Variants in FRMPD4 observed in about 807,000 individuals in gnomAD.
FRMPD4 encodes FERM and PDZ domain containing 4.
A neutral mutation model predicts 94.1 loss-of-function variants in FRMPD4; 22 were observed. That is an observed-to-expected ratio of 0.23 (90% CI 0.17 to 0.33). The LOEUF (loss-of-function observed/expected upper bound fraction) is 0.33, where lower values mean the gene tolerates loss of function less well. Among genes scored for constraint, FRMPD4 ranks in the 10% least tolerant of loss-of-function variants. FRMPD4 has a pLI of 1.00. For synonymous variants in FRMPD4, 631 were observed against 548.6 expected (o/e 1.15, Z -2.10); for missense variants, 1,111 against 1,339.9 (o/e 0.83, Z 2.67).
chrX:12,305,568 T>A (rs1431550523), intron 1 of FRMPD4, among the ~76,000 whole-genome samples: 6 of 107,855 alleles, frequency 5.6e-5, no homozygotes, highest in Admixed American at 5.0e-4. Flanking sequence ...ATCCTTTTTT[T>A]TTTTTTTCAG....
intron 3 of FRMPD4, among the ~76,000 whole-genome samples, chrX:12,032,975 T>G (rs6639131): frequency 0.065 from 7,245 of 111,244 alleles, 264 homozygotes; most frequent in East Asian, 0.24. Flanking sequence ...GTTGCTGAAA[T>G]TGGGAAAGAG....
intron 3 of FRMPD4, among the ~76,000 whole-genome samples, chrX:11,965,411 G>T (rs1230725849): frequency 1.8e-5 from 2 of 112,166 alleles, no homozygotes; most frequent in African/African-American, 3.2e-5. Flanking sequence ...GACTTAGTTT[G>T]CATTCCAGAA....
intron 3 of FRMPD4, among the ~76,000 whole-genome samples, chrX:12,050,210 G>T (rs1369445001): frequency 9.0e-6 from 1 of 111,575 alleles, no homozygotes; most frequent in African/African-American, 3.2e-5. Context: ...GACTGACCCA[G>T]AACAACTTCC....
chrX:12,162,472 T>C (rs1052536180), intron 1 of FRMPD4, among the ~76,000 whole-genome samples: 7 of 112,467 alleles, frequency 6.2e-5, no homozygotes, highest in African/African-American at 2.3e-4. Context: ...GGAGACCAGA[T>C]TGCCCACTCA....
Position 12,722,975 on chromosome X carries a change from C to A in FRMPD4, c.*1117C>A, listed in dbSNP as rs982907623. ...CTGCCAGTCAAATTTGGAATTATAG[C>A]GTAGTACTGGGACAAAATCTCAAAT... On this transcript the variant is annotated 3_prime_UTR_variant, in exon 17 of 17. Coordinates refer to ENST00000675598, the MANE Select transcript of FRMPD4 (RefSeq NM_001368397.1). 1 of 111,234 alleles carries A rather than the reference C, an allele frequency of 9.0e-6. No individual in the cohort carries two copies. Among genetic ancestry groups the A allele is most frequent in the African/African-American group, 3.3e-5 (1 of 30,518 alleles). 9.2% of individuals were successfully genotyped at this position (111,234 alleles called of 1,213,427 possible). A position where few individuals can be genotyped will look rare whatever the true frequency, so the allele number is the denominator to read the frequency against.
At chrX:12,059,677 C>T (rs973847348) in intron 3 of FRMPD4, among the ~76,000 whole-genome samples, 1 of 109,644 alleles carries the variant, frequency 9.1e-6, no homozygotes, top group African/African-American at 3.3e-5. Flanking sequence ...CATGCATACC[C>T]AATGTTTAAC....
At chrX:11,967,709 G>A (rs1375106318) in intron 3 of FRMPD4, among the ~76,000 whole-genome samples, 2 of 106,996 alleles carry the variant, frequency 1.9e-5, no homozygotes, top group Admixed American at 1.0e-4. Context: ...GGGAATACAC[G>A]GAGAAGAGGA....
intron 1 of FRMPD4, among the ~76,000 whole-genome samples, chrX:12,380,737 A>G (rs2056306965): frequency 8.9e-6 from 1 of 112,092 alleles, no homozygotes; most frequent in Non-Finnish European, 1.9e-5. Context: ...TTTATTTCCT[A>G]ACATGATTGA....
intron 2 of FRMPD4, among the ~76,000 whole-genome samples, chrX:11,868,367 G>C (rs757054941): frequency 8.9e-6 from 1 of 112,089 alleles, no homozygotes; most frequent in African/African-American, 3.2e-5. Flanking sequence ...AGGGGTTGAG[G>C]ATGGAGGCTG....
chrX:12,177,081 T>C (rs961517343), intron 1 of FRMPD4, among the ~76,000 whole-genome samples: 1 of 112,394 alleles, frequency 8.9e-6, no homozygotes, highest in African/African-American at 3.2e-5. Flanking sequence ...TAGTTAGTGC[T>C]CATTAAATAC....
intron 1 of FRMPD4, among the ~76,000 whole-genome samples, chrX:11,840,377 T>C (rs757167858): frequency 1.8e-4 from 20 of 111,717 alleles, no homozygotes; most frequent in African/African-American, 6.5e-4. Context: ...TGATAGTACA[T>C]AGGAATACAA....
intron 2 of FRMPD4, among the ~76,000 whole-genome samples, chrX:11,877,103 G>A: frequency 8.9e-6 from 1 of 112,275 alleles, no homozygotes; most frequent in Admixed American, 9.4e-5. Flanking sequence ...GTATTCCCTA[G>A]TGCCCTCTGT....
At chrX:12,681,718 C>T (rs1157547840) in intron 5 of FRMPD4, among the ~76,000 whole-genome samples, 1 of 108,686 alleles carries the variant, frequency 9.2e-6, no homozygotes, top group Non-Finnish European at 1.9e-5. Context: ...CACACACACA[C>T]GCACGCACAC....
chrX:12,279,333 A>G (rs968383212), intron 1 of FRMPD4, among the ~76,000 whole-genome samples: 9 of 111,532 alleles, frequency 8.1e-5, no homozygotes, highest in South Asian at 3.9e-4. Flanking sequence ...TCTCTTCTCT[A>G]TCATCACTCA....
Position 12,506,238 on chromosome X carries a change from C to G in FRMPD4, c.158+7442C>G, listed in dbSNP as rs56215908. ...AAGGTATGAAAATGTAAAGCTTTTC[C>G]CCTTCTTCTGTGGTCTCTCTGTTAA... On this transcript the variant is annotated intron_variant, in intron 2 of 16. Coordinates refer to ENST00000675598, the MANE Select transcript of FRMPD4 (RefSeq NM_001368397.1). 7.4e-3 allele frequency among the ~76,000 whole-genome samples: 825 copies of G among 111,570 alleles called. 2 individuals carry two copies. Among genetic ancestry groups the G allele is most frequent in the Non-Finnish European group, 0.012 (653 of 53,009 alleles).
chrX:12,305,725 G>GTTTGTTTTTT (rs2054926957), intron 1 of FRMPD4, among the ~76,000 whole-genome samples: 1 of 59,721 alleles, frequency 1.7e-5, no homozygotes, highest in Non-Finnish European at 2.8e-5. Flanking sequence ...AGCTGGCTAA[G>GTTTGTTTTTT]TTTTTTTTTT....
At chrX:12,078,201 A>G (rs911342212) in intron 3 of FRMPD4, among the ~76,000 whole-genome samples, 1 of 112,444 alleles carries the variant, frequency 8.9e-6, no homozygotes, top group Non-Finnish European at 1.9e-5. Context: ...GGCTTATTCC[A>G]TAGGCAGTTC....
At position 12,188,043 on chromosome X, in the gene FRMPD4, C is replaced by T. The variant is rs186079061; in HGVS notation, c.41+49031C>T. Among the ~76,000 whole-genome samples, 657 of 111,649 alleles carry T rather than the reference C, an allele frequency of 5.9e-3. 2 individuals are homozygous for T. Among genetic ancestry groups the T allele is most frequent in the African/African-American group, 0.02 (616 of 30,787 alleles). ...CTCAGGTTACATTCCTGTATTCAGT[C>T]GGTATCATCCAAGCCATGGTCACAT... On this transcript the variant is annotated intron_variant, in intron 1 of 16. Transcript: ENST00000675598.
chrX:12,252,491 T>C (rs946988906), intron 1 of FRMPD4, among the ~76,000 whole-genome samples: 16 of 112,218 alleles, frequency 1.4e-4, no homozygotes, highest in African/African-American at 4.9e-4. Context: ...GAAAAGTGCA[T>C]TTTTGCTTCA....
Sources: allele counts gnomAD v4.1 joint callset (sites outside exome capture counted in the v4.1 genomes callset), GRCh38; gene constraint gnomAD v4.1.1; transcripts MANE v1.5; gene names NCBI Gene and HGNC (gene_info 2026-07-23, HGNC 2026-07-21).